Variants in ATG14 observed in about 807,000 individuals in gnomAD.
The protein encoded by ATG14 is autophagy related 14.
ATG14 carries 35 observed loss-of-function variants against 60.4 expected under a neutral mutation model. The ratio of observed to expected loss-of-function variants is 0.58; its 90% CI spans 0.44 to 0.77. ATG14 has a LOEUF of 0.77. Ranked by LOEUF, ATG14 falls within the 30% of genes least tolerant of loss-of-function variation. The pLI is 0.00. For synonymous variants in ATG14, 234 were observed against 228.8 expected (o/e 1.02, Z -0.21); for missense variants, 647 against 626.3 (o/e 1.03, Z -0.35).
chr14:55,380,803 GCTTC>G (rs1213844464), intron 6 of ATG14, 113 bp from the exon 7 acceptor site: 3 of 516,486 alleles, frequency 5.8e-6, no homozygotes, highest in African/African-American at 2.1e-5. Flanking sequence ...ACGTTTTAGT[GCTTC>G]CTTAATAGAT....
chr14:55,398,583 A>G, intron 1 of ATG14, among the ~76,000 whole-genome samples: 1 of 152,144 alleles, frequency 6.6e-6, no homozygotes, highest in Admixed American at 6.5e-5. Context: ...TAGGTAGCTT[A>G]CTGTTATTGT....
chr14:55,375,727 T>C (rs1242890629), intron 9 of ATG14, among the ~76,000 whole-genome samples: 1 of 152,098 alleles, frequency 6.6e-6, no homozygotes, highest in African/African-American at 2.4e-5. Flanking sequence ...CCAACTTAGT[T>C]TCTTTCTTTC....
At chr14:55,382,321 T>C (rs936174931) in intron 5 of ATG14, 130 bp from the exon 6 acceptor site, 18 of 740,020 alleles carry the variant, frequency 2.4e-5, no homozygotes, top group African/African-American at 3.5e-5. Context: ...AAATTTTTAT[T>C]TTTTATTTTA....
Position 55,371,637 on chromosome 14 carries a change from T to A in ATG14, c.1173-1712A>T, listed in dbSNP as rs566917600. 7.9e-5 allele frequency among the ~76,000 whole-genome samples: 12 copies of A among 152,140 alleles called. No individual in the cohort carries two copies. In the East Asian group the frequency reaches 2.3e-3, roughly 29 times the overall value. On this transcript the variant is annotated intron_variant, in intron 9 of 9. Coordinates refer to ENST00000247178, the MANE Select transcript of ATG14 (RefSeq NM_014924.5). ...GGCTAACACAGTGAAACCCTGTCTC[T>A]ACTAAAAATACAAAAAATTAGCTGG...
Position 55,380,853 on chromosome 14 carries a change from GTGTA to G in ATG14, c.878-167_878-164del, listed in dbSNP as rs1172047115. ...CAGACATAAATGGTCCATTCTTTGTGTGTATATATATATATATATATATTTTTTT... is the reference window on the plus strand; with the variant it reads ...CAGACATAAATGGTCCATTCTTTGTGTATATATATATATATATATTTTTTT... On this transcript the variant is annotated intron_variant, in intron 6 of 9. Coordinates refer to ENST00000247178, the MANE Select transcript of ATG14 (RefSeq NM_014924.5). Among the ~76,000 whole-genome samples the G allele has an allele frequency of 1.5e-4, 16 of 107,998 alleles. 1 individual carries two copies. Among genetic ancestry groups the G allele is most frequent in the African/African-American group, 5.6e-4 (12 of 21,542 alleles). The allele number at this position is 107,998 out of a possible 152,430, so 70.9% of individuals were successfully genotyped here. A position where few individuals can be genotyped will look rare whatever the true frequency, so the allele number is the denominator to read the frequency against.
At chr14:55,391,136 G>A in intron 3 of ATG14, 144 bp from the exon 4 acceptor site, 2 of 574,170 alleles carry the variant, frequency 3.5e-6, no homozygotes, top group Non-Finnish European at 6.0e-6. Context: ...TGTAACTATG[G>A]AACATTACGA....
intron 4 of ATG14, among the ~76,000 whole-genome samples, chr14:55,390,221 C>A (rs1885191078): frequency 6.6e-6 from 1 of 152,236 alleles, no homozygotes; most frequent in African/African-American, 2.4e-5. Flanking sequence ...CAGGTGCCTG[C>A]CACCACGCCC....
At chr14:55,396,209 A>G (rs1339083018) in intron 2 of ATG14, among the ~76,000 whole-genome samples, 1 of 152,176 alleles carries the variant, frequency 6.6e-6, no homozygotes, top group Non-Finnish European at 1.5e-5. Flanking sequence ...ACAAATGTCC[A>G]CAATAAATCT....
In ATG14 at chr14:55,379,727, T is replaced by A. The variant is rs183303043; in HGVS notation, c.995+846A>T. 5.1e-3 allele frequency among the ~76,000 whole-genome samples: 775 copies of A among 152,238 alleles called. 2 individuals carry two copies. Among genetic ancestry groups the A allele is most frequent in the South Asian group, 7.5e-3 (36 of 4,828 alleles). On this transcript the variant is annotated intron_variant, in intron 7 of 9. Coordinates refer to ENST00000247178, the MANE Select transcript of ATG14 (RefSeq NM_014924.5). ...CTGTATATCTTTAAATTTTCTGAAT[T>A]TTATTTATTTTTGAGACGAAGTCTC...
chr14:55,400,390 T>C (rs1401534854), intron 1 of ATG14, among the ~76,000 whole-genome samples: 2 of 152,118 alleles, frequency 1.3e-5, no homozygotes, highest in African/African-American at 2.4e-5. Context: ...TCACATAAAG[T>C]ATCTTGGTCT....
chr14:55,380,876 T>TATATATATATATATATATATATA (rs1555341864), intron 6 of ATG14, among the ~76,000 whole-genome samples, 186 bp from the exon 7 acceptor site: 2 of 84,338 alleles, frequency 2.4e-5, no homozygotes, highest in Admixed American at 1.1e-4. Context: ...TATATATATA[T>TATATATATATATATATATATATA]TTTTTTTTTT....
intron 1 of ATG14, among the ~76,000 whole-genome samples, chr14:55,398,759 T>C (rs965700209): frequency 2.0e-5 from 3 of 152,116 alleles, no homozygotes; most frequent in African/African-American, 4.8e-5. Flanking sequence ...TCTATAAATG[T>C]CTTCTAGATC....
chr14:55,385,768 G>C, intron 5 of ATG14, 91 bp downstream of exon 5: 1 of 1,130,016 alleles, frequency 8.8e-7, no homozygotes, highest in African/African-American at 1.6e-5. Context: ...AATGACCCTA[G>C]AATAAGACCC....
Position 55,366,652 on chromosome 14 carries a change from A to G in ATG14, c.*2967T>C, listed in dbSNP as rs1457056572. ...ATGTGCAAAACTTTTCTTATATTCC[A>G]TAACCAAAAAATGTCTTTAACAGAC... On this transcript the variant is annotated 3_prime_UTR_variant, in exon 10 of 10. Transcript: ENST00000247178. 3 of 148,284 alleles carry G rather than the reference A, an allele frequency of 2.0e-5. No homozygotes were observed. The highest frequency in any genetic ancestry group is 4.5e-5 in the Non-Finnish European group (3 of 67,302). The allele number at this position is 148,284 out of a possible 1,614,324, so 9.2% of individuals were successfully genotyped here. A position where few individuals can be genotyped will look rare whatever the true frequency, so the allele number is the denominator to read the frequency against.
At chr14:55,386,469 T>C (rs979721173) in intron 4 of ATG14, among the ~76,000 whole-genome samples, 12 of 152,226 alleles carry the variant, frequency 7.9e-5, no homozygotes, top group African/African-American at 2.9e-4. Context: ...TTACTGGCTA[T>C]CTGATTTCCC....
chr14:55,370,562 A>T (rs1055886738), intron 9 of ATG14, among the ~76,000 whole-genome samples: 1 of 151,888 alleles, frequency 6.6e-6, no homozygotes, highest in African/African-American at 2.4e-5. Context: ...AAGTCCAATA[A>T]CCCTTTCTTA....
Position 55,369,082 on chromosome 14 carries a change from C to G in ATG14, c.*537G>C, listed in dbSNP as rs1011641780. The G allele has an allele frequency of 6.6e-6, 1 of 152,592 alleles. No individual in the cohort carries two copies. The highest frequency in any genetic ancestry group is 2.4e-5 in the African/African-American group (1 of 41,436). The allele number at this position is 152,592 out of a possible 1,614,324, so 9.5% of individuals were successfully genotyped here. ...ATACGTGTAACTCACCCCTCCCAAA[C>G]AAAATCAAAGGACCAAATTAGAAAT... On this transcript the variant is annotated 3_prime_UTR_variant, in exon 10 of 10. Transcript: ENST00000247178.
chr14:55,404,716 T>C (rs144984999), intron 1 of ATG14, among the ~76,000 whole-genome samples: 247 of 152,272 alleles, frequency 1.6e-3, no homozygotes, highest in African/African-American at 5.4e-3. Flanking sequence ...CTAGAGCACA[T>C]ATGACCTTCC....
chr14:55,393,843 C>T (rs1412050726), intron 3 of ATG14, among the ~76,000 whole-genome samples: 1 of 151,924 alleles, frequency 6.6e-6, no homozygotes, highest in African/African-American at 2.4e-5. Context: ...CACCACCACA[C>T]CCAGCGCAGA....
Sources: allele counts gnomAD v4.1 joint callset (sites outside exome capture counted in the v4.1 genomes callset), GRCh38; gene constraint gnomAD v4.1.1; transcripts MANE v1.5; gene names NCBI Gene and HGNC (gene_info 2026-07-23, HGNC 2026-07-21).